Variants in PPP1R12B observed in about 807,000 individuals in gnomAD.
The protein encoded by PPP1R12B is myosin phosphatase target subunit 2.
Under a neutral mutation model 126.1 loss-of-function variants are expected in PPP1R12B, and 76 were observed. That is an observed-to-expected ratio of 0.60 (90% CI 0.50 to 0.73). PPP1R12B has a LOEUF of 0.73. PPP1R12B is among the 30% of genes least tolerant of loss of function. PPP1R12B has a pLI of 0.00. For synonymous variants in PPP1R12B, 356 were observed against 434.7 expected (o/e 0.82, Z 2.25); for missense variants, 1,052 against 1,205.1 (o/e 0.87, Z 1.88).
intron 13 of PPP1R12B, among the ~76,000 whole-genome samples, chr1:202,475,009 A>G (rs892436937): frequency 4.6e-5 from 7 of 152,224 alleles, no homozygotes; most frequent in Non-Finnish European, 8.8e-5. Context: ...ACCATGGTTT[A>G]AAGCTAAATG....
At chr1:202,463,860 A>G (rs1674632586) in intron 13 of PPP1R12B, among the ~76,000 whole-genome samples, 1 of 152,168 alleles carries the variant, frequency 6.6e-6, no homozygotes, top group Non-Finnish European at 1.5e-5. Flanking sequence ...CAGCCTACCC[A>G]GGACTATACT....
rs917555549 is a variant in PPP1R12B, at chr1:202,561,150, C to T, written c.2508-1628C>T. Among the ~76,000 whole-genome samples, 9 of 151,440 alleles carry T rather than the reference C, an allele frequency of 5.9e-5. 1 individual carries two copies. The highest frequency in any genetic ancestry group is 1.9e-4 in the African/African-American group (8 of 41,256). The stretch of plus-strand genomic sequence containing the variant: ...AGAAACAAAAAAAAAGAAAAATAAC[C>T]AAAGATATTGATTGTTCATAATGAT... On this transcript the variant is annotated intron_variant, in intron 19 of 23. Coordinates refer to ENST00000608999, the MANE Select transcript of PPP1R12B (RefSeq NM_002481.4).
Position 202,580,634 on chromosome 1 carries a change from T to G in PPP1R12B, c.*74T>G. ...CCACCCCTCTTTTCCAGTCCTTGCC[T>G]TCCAACCAAAAGAAATGGATGTTTT... On this transcript the variant is annotated 3_prime_UTR_variant, in exon 24 of 24. Coordinates refer to ENST00000608999, the MANE Select transcript of PPP1R12B (RefSeq NM_002481.4). 2.4e-6 allele frequency: 3 copies of G among 1,268,352 alleles called. No homozygotes were observed. The highest frequency in any genetic ancestry group is 2.4e-5 in the South Asian group (2 of 82,568). 78.6% of individuals were successfully genotyped at this position (1,268,352 alleles called of 1,614,324 possible).
intron 18 of PPP1R12B, among the ~76,000 whole-genome samples, chr1:202,505,055 G>A (rs570918119): frequency 4.5e-4 from 68 of 152,286 alleles, no homozygotes; most frequent in African/African-American, 1.6e-3. Flanking sequence ...TATTTGGAGA[G>A]TCACAGAAGT....
intron 19 of PPP1R12B, among the ~76,000 whole-genome samples, chr1:202,561,276 G>T (rs185813094): frequency 6.6e-6 from 1 of 151,990 alleles, no homozygotes; most frequent in African/African-American, 2.4e-5. Flanking sequence ...AGATAAGTCT[G>T]CTCATTTTAG....
intron 1 of PPP1R12B, among the ~76,000 whole-genome samples, chr1:202,354,485 C>T (rs552305042): frequency 1.3e-5 from 2 of 152,278 alleles, no homozygotes; most frequent in Non-Finnish European, 2.9e-5. Context: ...GGGAGGATAG[C>T]TTGAGTCCAG....
At chr1:202,574,852 C>A in intron 23 of PPP1R12B, 2 of 731,218 alleles carry the variant, frequency 2.7e-6, no homozygotes, top group Non-Finnish European at 4.3e-6. Context: ...TGCTCCATGA[C>A]TCCTGCCTTT....
At chr1:202,550,212 G>T (rs1302173964) in intron 18 of PPP1R12B, among the ~76,000 whole-genome samples, 1 of 152,176 alleles carries the variant, frequency 6.6e-6, no homozygotes, top group African/African-American at 2.4e-5. Context: ...GGTCTGGAGA[G>T]CCTCACTAAT....
chr1:202,363,245 G>A (rs1324716731), intron 1 of PPP1R12B, among the ~76,000 whole-genome samples: 3 of 152,132 alleles, frequency 2.0e-5, no homozygotes, highest in Non-Finnish European at 4.4e-5. Context: ...ATACAAACAT[G>A]GCATACAACT....
At position 202,565,860 on chromosome 1, in the gene PPP1R12B, G is replaced by A. The variant is rs191887174; in HGVS notation, c.2757+1313G>A. Reference sequence around the variant, plus strand: ...TAGCCCTGCCATAAGGCAGCGGGGTGGACTGAATAAATCTCACTCCAACAT... The same window carrying A: ...TAGCCCTGCCATAAGGCAGCGGGGTAGACTGAATAAATCTCACTCCAACAT... On this transcript the variant is annotated intron_variant, in intron 21 of 23. Transcript: ENST00000608999. This position sits in a 1 kb window ranked among gnomAD's most constrained non-coding sequence, Gnocchi z 4.3. Among the ~76,000 whole-genome samples the A allele has an allele frequency of 2.0e-5, 3 of 151,762 alleles. No individual in the cohort carries two copies. Among genetic ancestry groups the A allele is most frequent in the Admixed American group, 2.0e-4 (3 of 15,254 alleles).
At chr1:202,408,110 G>T (rs1666864222) in intron 1 of PPP1R12B, among the ~76,000 whole-genome samples, 1 of 152,076 alleles carries the variant, frequency 6.6e-6, no homozygotes, top group Non-Finnish European at 1.5e-5. Context: ...TCTGCAGGGG[G>T]TCTTGCAACC....
rs1031712606 is a variant in PPP1R12B at position 202,565,067 on chromosome 1, A to G, written c.2757+520A>G. ...TCCCAAAGCAAAGATTCTGTAGCAT[A>G]TGTTATCTCCCCAAGCCACCACTCT... On this transcript the variant is annotated intron_variant, in intron 21 of 23. Transcript: ENST00000608999. This position sits in a 1 kb window ranked among gnomAD's most constrained non-coding sequence, Gnocchi z 4.3. Among the ~76,000 whole-genome samples the G allele has an allele frequency of 2.0e-5, 3 of 152,234 alleles. No homozygotes were observed. The highest frequency in any genetic ancestry group is 3.2e-3 in the Middle Eastern group (1 of 316).
intron 1 of PPP1R12B, among the ~76,000 whole-genome samples, chr1:202,365,372 G>A (rs1192997420): frequency 6.6e-6 from 1 of 151,862 alleles, no homozygotes; most frequent in African/African-American, 2.4e-5. Flanking sequence ...TGCCAGGGTG[G>A]TTGAGCCAAG....
rs1689603992 is a variant in PPP1R12B, at chr1:202,582,571, T to C, written c.*2011T>C. ...TCCCTCTGAAACACCACATGCTGTT[T>C]AAACTAGAAGCTGTAATTCAAGATC... On this transcript the variant is annotated 3_prime_UTR_variant, in exon 24 of 24. Coordinates refer to ENST00000608999, the MANE Select transcript of PPP1R12B (RefSeq NM_002481.4). The C allele has an allele frequency of 6.6e-6, 1 of 152,624 alleles. No individual in the cohort carries two copies. The highest frequency in any genetic ancestry group is 2.4e-5 in the African/African-American group (1 of 41,428). The allele number at this position is 152,624 out of a possible 1,614,324, so 9.5% of individuals were successfully genotyped here.
In PPP1R12B at chr1:202,452,194, C is replaced by T. The variant is rs1442322661; in HGVS notation, c.1850+3023C>T. On this transcript the variant is annotated intron_variant, in intron 13 of 23. Transcript: ENST00000608999. ...ATCTCGGCACTTTGGGAGGCCAAGG[C>T]AGGCAGCTGGGAGGTGGAGGTTGTA... Among the ~76,000 whole-genome samples, 8 of 152,288 alleles carry T rather than the reference C, an allele frequency of 5.3e-5. No homozygotes were observed. In the East Asian group the frequency reaches 1.5e-3, roughly 29 times the overall value.
chr1:202,440,474 C>T (rs566646217), intron 10 of PPP1R12B, among the ~76,000 whole-genome samples: 94 of 152,296 alleles, frequency 6.2e-4, no homozygotes, highest in African/African-American at 2.1e-3. Context: ...TTTATTTACT[C>T]ATCCTGACTT....
In PPP1R12B at chr1:202,422,645, G is replaced by T. The variant is rs766588530; in HGVS notation, c.448G>T (p.Val150Leu). 74 of 1,613,760 alleles carry T rather than the reference G, an allele frequency of 4.6e-5. No individual in the cohort carries two copies. The highest frequency in any genetic ancestry group is 8.5e-7 in the Non-Finnish European group (1 of 1,179,778). The change falls in exon 3 of 24, where the codon GTA becomes TTA. Residue 150 changes from valine (V) to leucine (L), a missense_variant. Transcript: ENST00000608999. Reference protein sequence around the residue: ...AEYFINHGASVGIVNSEGEVP... With the variant: ...AEYFINHGASLGIVNSEGEVP... The stretch of plus-strand genomic sequence containing the variant: ...GTATTTCATTAATCACGGAGCCAGT[G>T]TAGGTATTGTCAATAGTGAAGGTGA...
chr1:202,582,717 C>T lies in PPP1R12B; in HGVS notation c.*2157C>T, dbSNP rs1689615347. ...TGGCTAACACGGTGAAACCCAATCT[C>T]TACTAAAAATACAAAAAATTAGCCA... On this transcript the variant is annotated 3_prime_UTR_variant, in exon 24 of 24. Coordinates refer to ENST00000608999, the MANE Select transcript of PPP1R12B (RefSeq NM_002481.4). The T allele has an allele frequency of 6.6e-6, 1 of 152,204 alleles. No individual in the cohort carries two copies. The highest frequency in any genetic ancestry group is 1.5e-5 in the Non-Finnish European group (1 of 68,084). 9.4% of individuals were successfully genotyped at this position (152,204 alleles called of 1,614,324 possible). A position where few individuals can be genotyped will look rare whatever the true frequency, so the allele number is the denominator to read the frequency against.
chr1:202,525,228 C>T (rs1683196346), intron 18 of PPP1R12B, among the ~76,000 whole-genome samples: 2 of 152,114 alleles, frequency 1.3e-5, no homozygotes, highest in Admixed American at 1.3e-4. Flanking sequence ...AGATTTCCAA[C>T]TGGAAATTTT....
Sources: allele counts gnomAD v4.1 joint callset (sites outside exome capture counted in the v4.1 genomes callset), GRCh38; gene constraint gnomAD v4.1.1; non-coding constraint Gnocchi (gnomAD v3.1); transcripts MANE v1.5; gene names NCBI Gene and HGNC (gene_info 2026-07-23, HGNC 2026-07-21).